Variants in SLC44A5 observed in about 807,000 individuals in gnomAD.
SLC44A5 encodes the protein choline transporter-like protein 5.
SLC44A5 carries 57 observed loss-of-function variants against 101.8 expected under a neutral mutation model. The ratio of observed to expected loss-of-function variants is 0.56; its 90% CI spans 0.45 to 0.70. The LOEUF is 0.70. Ranked by LOEUF, SLC44A5 falls within the 30% of genes least tolerant of loss-of-function variation. The pLI is 0.00. For synonymous variants in SLC44A5, 281 were observed against 290.9 expected (o/e 0.97, Z 0.35); for missense variants, 737 against 853.1 (o/e 0.86, Z 1.70).
intron 3 of SLC44A5, among the ~76,000 whole-genome samples, chr1:75,392,509 G>T (rs1435678071): frequency 6.6e-6 from 1 of 152,122 alleles, no homozygotes; most frequent in Non-Finnish European, 1.5e-5. Context: ...AATAACAGAT[G>T]TTGGTGAGTA....
At chr1:75,682,599 T>A in the SLC44A5 span, among the ~76,000 whole-genome samples, 1 of 151,900 alleles carries the variant, frequency 6.6e-6, no homozygotes, top group South Asian at 2.1e-4. Context: ...TATACAAAAA[T>A]CAATTCAAGA....
intron 2 of SLC44A5, among the ~76,000 whole-genome samples, chr1:75,483,712 A>C (rs957441628): frequency 1.6e-4 from 25 of 152,234 alleles, no homozygotes; most frequent in African/African-American, 4.8e-4. Context: ...GATGATCTCT[A>C]AGAAATTTTC....
At chr1:75,508,690 CAA>C (rs1200386728) in intron 2 of SLC44A5, among the ~76,000 whole-genome samples, 6 of 151,964 alleles carry the variant, frequency 3.9e-5, no homozygotes, top group Non-Finnish European at 5.9e-5. Context: ...CACAGAAATA[CAA>C]AAGATTCTCA....
rs1251019119 is a variant in SLC44A5 at position 75,384,815 on chromosome 1, C to G, written c.52+11768G>C. On this transcript the variant is annotated intron_variant, in intron 3 of 23. Transcript: ENST00000370859. Reference sequence around the variant, plus strand: ...TGACCACATACTTGGAAGTAAAGCTCTCCTCAGCAAATGTAAAAGAACAGA... The same window carrying G: ...TGACCACATACTTGGAAGTAAAGCTGTCCTCAGCAAATGTAAAAGAACAGA... Among the ~76,000 whole-genome samples, 181 of 149,142 alleles carry G rather than the reference C, an allele frequency of 1.2e-3. 2 individuals are homozygous for G. Among genetic ancestry groups the G allele is most frequent in the Non-Finnish European group, 4.9e-4 (33 of 67,304 alleles).
chr1:75,613,719 T>C (rs1014905476), upstream of SLC44A5, among the ~76,000 whole-genome samples: 10 of 152,230 alleles, frequency 6.6e-5, no homozygotes, highest in African/African-American at 2.4e-4. Context: ...TTATTAATCC[T>C]TCCAGAGAAA....
chr1:75,437,097 T>A (rs183348937), intron 2 of SLC44A5, among the ~76,000 whole-genome samples: 53 of 152,196 alleles, frequency 3.5e-4, no homozygotes, highest in African/African-American at 1.2e-3. Flanking sequence ...TTTACTTTTT[T>A]AAAAAATAAG....
chr1:75,218,662 T>G lies in SLC44A5; in HGVS notation c.1357A>C (p.Ile453Leu). The stretch of plus-strand genomic sequence containing the variant: ...AAGTTGTATACATGGAAGGTAGGGA[T>G]GTACTGATGGTACAAGCTCTTTCCA... ...YGGKSLYHQY[I>L]PTFHVYNLFV... Residue 453 changes from isoleucine (I) to leucine (L), a missense_variant, in exon 17 of 24, where the codon ATC becomes CTC. Transcript: ENST00000370859. 6.2e-7 allele frequency: 1 copy of G among 1,613,832 alleles called. No homozygotes were observed. Among genetic ancestry groups the G allele is most frequent in the Non-Finnish European group, 8.5e-7 (1 of 1,179,774 alleles).
chr1:75,279,914 C>T (rs948444105), intron 5 of SLC44A5, among the ~76,000 whole-genome samples: 1 of 151,574 alleles, frequency 6.6e-6, no homozygotes, highest in Admixed American at 6.6e-5. Flanking sequence ...CCCACTTTTT[C>T]CCTAGAGTCT....
intron 2 of SLC44A5, among the ~76,000 whole-genome samples, chr1:75,493,138 T>C (rs1668507045): frequency 6.6e-6 from 1 of 152,170 alleles, no homozygotes; most frequent in Non-Finnish European, 1.5e-5. Flanking sequence ...CCAGACACAT[T>C]CAGCGTCATG....
At chr1:75,327,855 C>T (rs1262552171) in intron 4 of SLC44A5, among the ~76,000 whole-genome samples, 1 of 152,246 alleles carries the variant, frequency 6.6e-6, no homozygotes, top group African/African-American at 2.4e-5. Context: ...GAGGACTCTT[C>T]CAGTCTTTGC....
intron 4 of SLC44A5, among the ~76,000 whole-genome samples, chr1:75,313,852 A>G (rs552908690): frequency 6.6e-6 from 1 of 152,186 alleles, no homozygotes; most frequent in Non-Finnish European, 1.5e-5. Flanking sequence ...AATCAGAAAA[A>G]CAAGATCAAG....
chr1:75,577,427 A>T (rs982861543), intron 1 of SLC44A5, among the ~76,000 whole-genome samples: 2 of 152,206 alleles, frequency 1.3e-5, no homozygotes, highest in Non-Finnish European at 2.9e-5. Context: ...AAACATGCGA[A>T]GCATGCTCCC....
At chr1:75,723,546 A>T in the SLC44A5 span, 1 of 152,152 alleles carries the variant, frequency 6.6e-6, no homozygotes, top group Non-Finnish European at 1.5e-5. Flanking sequence ...CATATGGGTG[A>T]TTTTGTGCTT....
At chr1:75,207,021 C>T (rs932287134) in intron 23 of SLC44A5, among the ~76,000 whole-genome samples, 4 of 152,178 alleles carry the variant, frequency 2.6e-5, no homozygotes, top group African/African-American at 9.7e-5. Context: ...AATTCTGTAA[C>T]TGTTCATTTC....
intron 1 of SLC44A5, among the ~76,000 whole-genome samples, chr1:75,580,476 G>A (rs1262352723): frequency 4.6e-5 from 7 of 152,154 alleles, no homozygotes; most frequent in African/African-American, 1.2e-4. Flanking sequence ...ATACAAACAA[G>A]TTTGTTAGCA....
intron 2 of SLC44A5, among the ~76,000 whole-genome samples, chr1:75,486,633 C>T (rs1391179537): frequency 6.6e-6 from 1 of 152,278 alleles, no homozygotes; most frequent in South Asian, 2.1e-4. Context: ...AAATGTTTCC[C>T]TTCCAAATGG....
chr1:75,227,588 G>A, intron 13 of SLC44A5, 138 bp downstream of exon 13: 1 of 575,840 alleles, frequency 1.7e-6, no homozygotes, highest in East Asian at 3.6e-5. Flanking sequence ...TGTAGTTAGA[G>A]GATTATAGAC....
chr1:75,494,323 C>T (rs78250797), intron 2 of SLC44A5, among the ~76,000 whole-genome samples: 1,955 of 152,234 alleles, frequency 0.013, 32 homozygotes, highest in Middle Eastern at 0.054. Context: ...ACATTACCCC[C>T]GGCCTCCTCC....
chr1:75,350,567 T>C (rs1658568795), intron 3 of SLC44A5, among the ~76,000 whole-genome samples: 1 of 150,618 alleles, frequency 6.6e-6, no homozygotes, highest in African/African-American at 2.4e-5. Context: ...TCCAACTATA[T>C]GCTATATGTA....
Sources: allele counts gnomAD v4.1 joint callset (sites outside exome capture counted in the v4.1 genomes callset), GRCh38; gene constraint gnomAD v4.1.1; transcripts MANE v1.5; gene names NCBI Gene and HGNC (gene_info 2026-07-23, HGNC 2026-07-21).